Variants in KANSL1 observed in about 807,000 individuals in gnomAD.
The protein encoded by KANSL1 is KAT8 regulatory NSL complex subunit 1, also known as MLL1/MLL complex subunit KANSL1.
In KANSL1, 22 loss-of-function variants were observed where a neutral mutation model predicts 103.6. The ratio of observed to expected loss-of-function variants is 0.21; its 90% CI spans 0.15 to 0.30. KANSL1 has a LOEUF of 0.30. Ranked by LOEUF, KANSL1 falls within the 10% of genes least tolerant of loss-of-function variation. KANSL1 has a pLI of 1.00. For synonymous variants in KANSL1, 600 were observed against 527.6 expected, an observed-to-expected ratio of 1.14 and a Z score of -1.88; for missense variants, 1,337 against 1,399.8, an observed-to-expected ratio of 0.96 and a Z score of 0.72.
intron 1 of KANSL1, among the ~76,000 whole-genome samples, chr17:46,175,310 C>CTGTG (rs71138529): frequency 0.019 from 2,617 of 137,416 alleles, 15 homozygotes; most frequent in Middle Eastern, 0.022. Flanking sequence ...TGTCTTATTG[C>CTGTG]TGTGTGTGTG....
At chr17:46,097,318 A>G (rs1453528413) in intron 2 of KANSL1, among the ~76,000 whole-genome samples, 2 of 152,258 alleles carry the variant, frequency 1.3e-5, no homozygotes, top group Non-Finnish European at 2.9e-5. Context: ...TTGATGAAAT[A>G]CTATCTAGCA....
At chr17:46,130,588 C>A (rs943167352) in intron 2 of KANSL1, among the ~76,000 whole-genome samples, 1 of 152,186 alleles carries the variant, frequency 6.6e-6, no homozygotes, top group Admixed American at 6.5e-5. Context: ...CCTTGATTAA[C>A]CCCACCACAT....
At chr17:46,097,608 T>C (rs2042141832) in intron 2 of KANSL1, among the ~76,000 whole-genome samples, 1 of 152,256 alleles carries the variant, frequency 6.6e-6, no homozygotes, top group South Asian at 2.1e-4. Context: ...TAACATTGTT[T>C]AAATATTACA....
intron 7 of KANSL1, among the ~76,000 whole-genome samples, chr17:46,048,694 C>A (rs1223949098): frequency 6.6e-6 from 1 of 152,164 alleles, no homozygotes; most frequent in Non-Finnish European, 1.5e-5. Flanking sequence ...ATTATGAAAG[C>A]GCTGGCTTCC....
rs760101658 is a variant in KANSL1, at chr17:46,030,074, A to G, written c.*1402T>C. On this transcript the variant is annotated 3_prime_UTR_variant, in exon 15 of 15. Coordinates refer to ENST00000432791, the MANE Select transcript of KANSL1 (RefSeq NM_015443.4). The stretch of plus-strand genomic sequence containing the variant: ...AAAGACAGCTACATGTTTCGCTGCC[A>G]TTACACAGCTCCAAAGCAGGAAAAG... 5 of 152,346 alleles carry G rather than the reference A, an allele frequency of 3.3e-5. No homozygotes were observed. Among genetic ancestry groups the G allele is most frequent in the Admixed American group, 6.6e-5 (1 of 15,252 alleles). The allele number at this position is 152,346 out of a possible 1,614,324, so 9.4% of individuals were successfully genotyped here. A position where few individuals can be genotyped will look rare whatever the true frequency, so the allele number is the denominator to read the frequency against.
chr17:46,196,367 G>GCTAA (rs1293360410), upstream of KANSL1: 1 of 456,216 alleles, frequency 2.2e-6, no homozygotes, highest in Non-Finnish European at 4.4e-6. Context: ...TGATTGGTTA[G>GCTAA]GAATGGCCAT....
chr17:46,190,896 AT>A (rs1396842855), intron 1 of KANSL1, among the ~76,000 whole-genome samples: 1 of 152,224 alleles, frequency 6.6e-6, no homozygotes, highest in Admixed American at 6.5e-5. Flanking sequence ...ACCTTGCCTT[AT>A]TTTTAGAACT....
chr17:46,098,025 G>A (rs2042156142), intron 2 of KANSL1, among the ~76,000 whole-genome samples: 1 of 149,232 alleles, frequency 6.7e-6, no homozygotes, highest in Non-Finnish European at 1.5e-5. Flanking sequence ...AATTTTGATG[G>A]AACCACTTCA....
chr17:46,214,392 G>A (rs995092456), intron 1 of KANSL1, among the ~76,000 whole-genome samples: 9 of 152,196 alleles, frequency 5.9e-5, no homozygotes, highest in Non-Finnish European at 1.2e-4. Context: ...GGTGGCTCAC[G>A]CCTGTAATGC....
chr17:46,086,032 C>T (rs1393584066), intron 3 of KANSL1, among the ~76,000 whole-genome samples: 1 of 152,124 alleles, frequency 6.6e-6, no homozygotes, highest in African/African-American at 2.4e-5. Context: ...AAAATAAATG[C>T]ATAGCAAATA....
chr17:46,186,539 A>G (rs1396073477), intron 1 of KANSL1, among the ~76,000 whole-genome samples: 1 of 152,236 alleles, frequency 6.6e-6, no homozygotes, highest in Non-Finnish European at 1.5e-5. Context: ...TAAAATGTTA[A>G]GTCAATACTA....
At chr17:46,140,277 T>C (rs1203819222) in intron 2 of KANSL1, among the ~76,000 whole-genome samples, 1 of 152,192 alleles carries the variant, frequency 6.6e-6, no homozygotes, top group African/African-American at 2.4e-5. Context: ...AAATTTACAT[T>C]GTAAAACACA....
chr17:46,178,882 T>C (rs2046651412), intron 1 of KANSL1, among the ~76,000 whole-genome samples: 1 of 152,218 alleles, frequency 6.6e-6, no homozygotes. Context: ...ATATGTGACC[T>C]CTAGGGTCCC....
chr17:46,216,285 T>C (rs569158397), intron 1 of KANSL1, among the ~76,000 whole-genome samples: 17 of 152,118 alleles, frequency 1.1e-4, no homozygotes, highest in Non-Finnish European at 2.5e-4. Flanking sequence ...CTAATGTTTT[T>C]AGGAGCAAAA....
chr17:46,178,024 A>G (rs1340135566), intron 1 of KANSL1, among the ~76,000 whole-genome samples: 4 of 152,080 alleles, frequency 2.6e-5, no homozygotes, highest in Non-Finnish European at 4.4e-5. Context: ...TGATCTGCCC[A>G]CCTTGGCCTC....
chr17:46,175,671 A>G (rs906310601), intron 1 of KANSL1, among the ~76,000 whole-genome samples: 2 of 151,878 alleles, frequency 1.3e-5, no homozygotes, highest in African/African-American at 4.8e-5. Flanking sequence ...TTAACACCAA[A>G]AGTTTCTTGT....
At chr17:46,074,792 TAA>T (rs1336493076) in intron 4 of KANSL1, among the ~76,000 whole-genome samples, 12 of 150,612 alleles carry the variant, frequency 8.0e-5, no homozygotes, top group African/African-American at 2.9e-4. Flanking sequence ...AATAAATAAA[TAA>T]ATAAATAAAT....
intron 6 of KANSL1, among the ~76,000 whole-genome samples, chr17:46,066,066 C>T (rs1181402671): frequency 2.0e-5 from 3 of 152,128 alleles, no homozygotes; most frequent in Admixed American, 6.6e-5. Flanking sequence ...CTATATTTTC[C>T]AGGCTGGTAT....
At chr17:46,184,806 T>C (rs1468112284) in intron 1 of KANSL1, among the ~76,000 whole-genome samples, 2 of 152,042 alleles carry the variant, frequency 1.3e-5, no homozygotes, top group Admixed American at 1.3e-4. Context: ...CTCACAATTT[T>C]GTCTTGTCTC....
Sources: gnomAD v4.1 joint callset for allele counts (sites outside exome capture counted in the v4.1 genomes callset) on GRCh38, gnomAD v4.1.1 for gene constraint, MANE v1.5 for transcripts, NCBI Gene and HGNC (gene_info 2026-07-23, HGNC 2026-07-21) for gene names.